Variants in NRL observed in about 807,000 individuals in gnomAD.
The protein encoded by NRL is neural retina leucine zipper, also known as neural retina-specific leucine zipper protein.
NRL carries 16 observed loss-of-function variants against 12.5 expected under a neutral mutation model. The ratio of observed to expected loss-of-function variants is 1.28; its 90% CI spans 0.87 to 1.95. NRL has a LOEUF of 1.95. NRL is among the 30% of genes most tolerant of loss of function. NRL has a pLI of 0.00. For missense variants in NRL, 314 were observed against 325.8 expected, an observed-to-expected ratio of 0.96 and a Z score of 0.28; for synonymous variants, 142 against 150.9, an observed-to-expected ratio of 0.94 and a Z score of 0.43.
chr14:24,081,035 G>A lies in NRL; in HGVS notation c.*201C>T. The A allele has an allele frequency of 4.9e-6, 2 of 407,554 alleles. No individual in the cohort carries two copies. The highest frequency in any genetic ancestry group is 7.4e-5 in the East Asian group (2 of 27,108). The allele number at this position is 407,554 out of a possible 1,614,324, so 25.2% of individuals were successfully genotyped here. On this transcript the variant is annotated 3_prime_UTR_variant, in exon 3 of 3. Transcript: ENST00000561028. This position sits in a 1 kb window ranked among gnomAD's most constrained non-coding sequence, Gnocchi z 4.4. ...GGTTTCTGTGTTCGTAAGGGGAGGG[G>A]ACCCCTCTCCAGAAAATGACCAGCA...
intron 1 of NRL, chr14:24,098,429 T>C (rs1315137587): frequency 6.2e-7 from 1 of 1,612,420 alleles, no homozygotes; most frequent in Admixed American, 1.7e-5. Context: ...ACGGAAGATG[T>C]GAACAGGTTT....
In NRL at chr14:24,081,021, T is replaced by G; in HGVS notation, c.*215A>C. 2.5e-6 allele frequency: 1 copy of G among 395,958 alleles called. No individual in the cohort carries two copies. Among genetic ancestry groups the G allele is most frequent in the Non-Finnish European group, 4.4e-6 (1 of 226,300 alleles). The allele number at this position is 395,958 out of a possible 1,614,324, so 24.5% of individuals were successfully genotyped here. ...AGTCATGTGGGCTGGGTTTCTGTGT[T>G]CGTAAGGGGAGGGGACCCCTCTCCA... On this transcript the variant is annotated 3_prime_UTR_variant, in exon 3 of 3. Coordinates refer to ENST00000561028, the MANE Select transcript of NRL (RefSeq NM_001354768.3). This position sits in a 1 kb window ranked among gnomAD's most constrained non-coding sequence, Gnocchi z 4.4.
chr14:24,089,307 G>A (rs976106909), intron 1 of NRL, among the ~76,000 whole-genome samples: 1 of 152,026 alleles, frequency 6.6e-6, no homozygotes, highest in Non-Finnish European at 1.5e-5. Context: ...GAGTGCAGTG[G>A]TGCAATCATA....
At chr14:24,103,036 A>T in intron 1 of NRL, 1 of 1,185,746 alleles carries the variant, frequency 8.4e-7, no homozygotes, top group South Asian at 1.3e-5. Flanking sequence ...GGGAGGAGGC[A>T]AAGGGTCTGA....
intron 1 of NRL, chr14:24,098,582 A>C: frequency 6.2e-7 from 1 of 1,614,158 alleles, no homozygotes; most frequent in Non-Finnish European, 8.5e-7. Flanking sequence ...AAGCATGCGT[A>C]TTATGACCCG....
At chr14:24,082,366 CCT>C (rs1356671176) in intron 2 of NRL, 100 bp downstream of exon 2, 28 of 1,460,786 alleles carry the variant, frequency 1.9e-5, no homozygotes, top group Non-Finnish European at 1.7e-5. Flanking sequence ...CCCTCTGTCC[CCT>C]GTCCCAGTCC....
chr14:24,086,486 G>T (rs189137639), intron 1 of NRL, among the ~76,000 whole-genome samples: 339 of 152,258 alleles, frequency 2.2e-3, no homozygotes, highest in Non-Finnish European at 4.2e-3. Context: ...TTTCTCAAAA[G>T]AATAAAAAAG....
intron 1 of NRL, chr14:24,103,392 C>T: frequency 1.7e-6 from 2 of 1,175,796 alleles, no homozygotes; most frequent in Non-Finnish European, 2.5e-6. Flanking sequence ...ATCTTTTCCC[C>T]ATCCCTGAAG....
intron 1 of NRL, among the ~76,000 whole-genome samples, chr14:24,091,465 ATGTGGGGG>A (rs1296289896): frequency 1.3e-5 from 2 of 152,246 alleles, no homozygotes; most frequent in Admixed American, 1.3e-4. Flanking sequence ...GCAAGTGGGG[ATGTGGGGG>A]TGACAACATT....
rs553870311 is a variant in NRL at position 24,089,772 on chromosome 14, T to C, written c.-27-6897A>G. Among the ~76,000 whole-genome samples the C allele has an allele frequency of 1.8e-4, 28 of 152,276 alleles. 1 individual carries two copies. The South Asian group carries it at 4.8e-3, about 26-fold the overall frequency. ...AGGGACAGGTTGCCTAAGAAAGTCA[T>C]GCTAAACCAAGACTGGTCAGGTGAA... On this transcript the variant is annotated intron_variant, in intron 1 of 2. Transcript: ENST00000561028.
chr14:24,096,882 T>C lies in NRL; in HGVS notation c.-27-14007A>G, dbSNP rs764075015. The C allele has an allele frequency of 3.1e-6, 5 of 1,607,144 alleles. No homozygotes were observed. The African/African-American group carries it at 5.3e-5, about 17-fold the overall frequency. On this transcript the variant is annotated intron_variant, in intron 1 of 2. Transcript: ENST00000561028. ...CAGCAACTAGCTCATTGCCTCTGTT[T>C]CTCCTATAGGCTTAACTGGCATGGG...
At chr14:24,099,142 A>G in intron 1 of NRL, 1 of 1,611,988 alleles carries the variant, frequency 6.2e-7, no homozygotes, top group Non-Finnish European at 8.5e-7. Context: ...GGCAGCGGCT[A>G]TGGTGGCAAC....
intron 1 of NRL, 124 bp from the exon 2 acceptor site, chr14:24,082,999 TGCA>T: frequency 1.1e-6 from 1 of 902,426 alleles, no homozygotes; most frequent in South Asian, 1.8e-5. Flanking sequence ...AGAGGGATGG[TGCA>T]GCTCTGTTCA....
intron 1 of NRL, among the ~76,000 whole-genome samples, chr14:24,105,938 G>A (rs549293151): frequency 1.3e-5 from 2 of 152,220 alleles, no homozygotes; most frequent in Admixed American, 6.5e-5. Flanking sequence ...CACCTATTCC[G>A]TGTTTCTCAA....
At chr14:24,114,353 A>G (rs2037485627) in intron 1 of NRL, 1 of 152,330 alleles carries the variant, frequency 6.6e-6, no homozygotes, top group South Asian at 2.1e-4. Flanking sequence ...ATGGAGGTCT[A>G]CTGGGACGCT....
intron 1 of NRL, among the ~76,000 whole-genome samples, chr14:24,104,286 A>G (rs1347039428): frequency 6.6e-6 from 1 of 151,878 alleles, no homozygotes; most frequent in Admixed American, 6.6e-5. Context: ...AGACATAGGA[A>G]TTGCTGGGAG....
intron 1 of NRL, among the ~76,000 whole-genome samples, chr14:24,104,635 C>T (rs913620716): frequency 3.5e-5 from 5 of 141,982 alleles, no homozygotes; most frequent in East Asian, 2.1e-4. Context: ...AGCGAAACTC[C>T]GTCACAAAAA....
In NRL at chr14:24,081,609, G is replaced by A; in HGVS notation, c.382-41C>T. ...GCAGAAACCGGGTCAGCGCCAGGTCGCACCCGGCTCTGCCCTGAGGGCCCG... is the reference window on the plus strand; with the variant it reads ...GCAGAAACCGGGTCAGCGCCAGGTCACACCCGGCTCTGCCCTGAGGGCCCG... On this transcript the variant is annotated intron_variant, in intron 2 of 2. Coordinates refer to ENST00000561028, the MANE Select transcript of NRL (RefSeq NM_001354768.3). This position sits in a 1 kb window ranked among gnomAD's most constrained non-coding sequence, Gnocchi z 4.4. The A allele has an allele frequency of 6.4e-7, 1 of 1,554,416 alleles. No homozygotes were observed. Among genetic ancestry groups the A allele is most frequent in the South Asian group, 1.2e-5 (1 of 84,540 alleles).
intron 1 of NRL, chr14:24,098,228 G>A: frequency 6.2e-7 from 1 of 1,612,986 alleles, no homozygotes; most frequent in Non-Finnish European, 8.5e-7. Flanking sequence ...AGACCCCAAG[G>A]ATGTGGCACG....
Sources: allele counts gnomAD v4.1 joint callset (sites outside exome capture counted in the v4.1 genomes callset), GRCh38; gene constraint gnomAD v4.1.1; non-coding constraint Gnocchi (gnomAD v3.1); transcripts MANE v1.5; gene names NCBI Gene and HGNC (gene_info 2026-07-23, HGNC 2026-07-21).